The following DAB2IP variants were observed in gnomAD, a reference collection of about 807,000 sequenced individuals.
DAB2IP encodes DAB2 interacting protein.
A neutral mutation model predicts 107.2 loss-of-function variants in DAB2IP; 28 were observed. The ratio of observed to expected loss-of-function variants is 0.26; its 90% CI spans 0.19 to 0.36. The LOEUF (loss-of-function observed/expected upper bound fraction) is 0.36, where lower values mean the gene tolerates loss of function less well. DAB2IP is among the 10% of genes least tolerant of loss of function. The pLI is 1.00. For missense variants in DAB2IP, 1,400 were observed against 1,644.7 expected (o/e 0.85, Z 2.57); for synonymous variants, 755 against 706.4 (o/e 1.07, Z -1.09).
At chr9:121,671,518 T>C (rs1470282206) in intron 1 of DAB2IP, among the ~76,000 whole-genome samples, 2 of 152,246 alleles carry the variant, frequency 1.3e-5, no homozygotes, top group African/African-American at 4.8e-5. Flanking sequence ...ACCATCATTC[T>C]GCCTTACTCA....
At chr9:121,674,111 C>T (rs927113474) in intron 1 of DAB2IP, among the ~76,000 whole-genome samples, 5 of 152,172 alleles carry the variant, frequency 3.3e-5, no homozygotes. Context: ...GAGGGGAGAG[C>T]GTGGTTGCTG....
intron 1 of DAB2IP, among the ~76,000 whole-genome samples, chr9:121,587,979 G>A (rs1234063882): frequency 6.6e-6 from 1 of 152,192 alleles, no homozygotes; most frequent in Admixed American, 6.5e-5. Context: ...TCACATCAGT[G>A]CCTAGCTGGG....
At position 121,699,181 on chromosome 9, in the gene DAB2IP, G is replaced by A; in HGVS notation, c.229-144G>A. On this transcript the variant is annotated intron_variant, in intron 2 of 15. Transcript: ENST00000408936. This position sits in a 1 kb window ranked among gnomAD's most constrained non-coding sequence, Gnocchi z 6.2. ...GGTCGGCGGGCGGGCGGCGCGGGCC[G>A]CGAGCTGCTGGGGCCGAGCCCGAGC... 2 of 917,026 alleles carry A rather than the reference G, an allele frequency of 2.2e-6. No homozygotes were observed. The highest frequency in any genetic ancestry group is 2.6e-6 in the Non-Finnish European group (2 of 771,206). 56.8% of individuals were successfully genotyped at this position (917,026 alleles called of 1,614,324 possible). A position where few individuals can be genotyped will look rare whatever the true frequency, so the allele number is the denominator to read the frequency against.
chr9:121,757,567 A>G (rs1239610427), intron 4 of DAB2IP, among the ~76,000 whole-genome samples: 1 of 152,092 alleles, frequency 6.6e-6, no homozygotes, highest in Non-Finnish European at 1.5e-5. Context: ...CCCACTGTGA[A>G]CAATGAGAGC....
chr9:121,568,361 C>T (rs1232763720), intron 1 of DAB2IP, among the ~76,000 whole-genome samples: 1 of 152,074 alleles, frequency 6.6e-6, no homozygotes, highest in Non-Finnish European at 1.5e-5. Context: ...GCCCAGGGGA[C>T]GGGGGGTCAG....
intron 3 of DAB2IP, among the ~76,000 whole-genome samples, chr9:121,749,959 CTG>C (rs1440591960): frequency 1.3e-5 from 2 of 152,180 alleles, no homozygotes; most frequent in African/African-American, 4.8e-5. Context: ...TTGTTCATAG[CTG>C]TGTCTCCAGC....
intron 4 of DAB2IP, among the ~76,000 whole-genome samples, 199 bp downstream of exon 4, chr9:121,757,365 T>C (rs907757069): frequency 1.3e-5 from 2 of 152,190 alleles, no homozygotes; most frequent in Non-Finnish European, 2.9e-5. Flanking sequence ...TCCTTCCTAC[T>C]CTCTAGGTTC....
rs1222050408 is a variant in DAB2IP, at chr9:121,634,991, C to A, written c.41-43687C>A. ...CATGGGGCCCTGTGTGCCAGTGCGG[C>A]CCACCCAGCCTCAGACCTGTGTATA... On this transcript the variant is annotated intron_variant, in intron 1 of 16. Coordinates refer to the DAB2IP transcript ENST00000259371. This position sits in a 1 kb window ranked among gnomAD's most constrained non-coding sequence, Gnocchi z 4.7. 6.6e-6 allele frequency among the ~76,000 whole-genome samples: 1 copy of A among 152,160 alleles called. No homozygotes were observed.
chr9:121,717,255 C>A (rs528078013), intron 3 of DAB2IP, among the ~76,000 whole-genome samples: 9 of 152,216 alleles, frequency 5.9e-5, no homozygotes, highest in Non-Finnish European at 1.0e-4. Context: ...CTCTGAGTGG[C>A]TTCCTAAGAG....
chr9:121,595,012 G>T (rs1830498959), intron 1 of DAB2IP, among the ~76,000 whole-genome samples: 1 of 152,148 alleles, frequency 6.6e-6, no homozygotes, highest in African/African-American at 2.4e-5. Flanking sequence ...GTATGGTGGT[G>T]CTTGGGCGGG....
chr9:121,719,885 CCT>C (rs1830825233), intron 3 of DAB2IP, among the ~76,000 whole-genome samples: 1 of 152,194 alleles, frequency 6.6e-6, no homozygotes, highest in Non-Finnish European at 1.5e-5. Flanking sequence ...GGTGGCAGCT[CCT>C]CTCAGGGCAG....
At chr9:121,773,305 C>T (rs1424540101) in exon 12 of DAB2IP, 14 of 1,517,810 alleles carry the variant, frequency 9.2e-6, no homozygotes, top group Admixed American at 2.0e-5. Flanking sequence ...CCACCCCCGC[C>T]GCCACCTCCT....
chr9:121,589,205 C>T (rs973055437), intron 1 of DAB2IP, among the ~76,000 whole-genome samples: 2 of 152,132 alleles, frequency 1.3e-5, no homozygotes, highest in Admixed American at 6.5e-5. Context: ...CCAGTAAGGT[C>T]GCTCAGTAGC....
intron 2 of DAB2IP, among the ~76,000 whole-genome samples, chr9:121,688,388 G>A (rs1000082132): frequency 2.0e-5 from 3 of 152,170 alleles, no homozygotes; most frequent in African/African-American, 2.4e-5. Flanking sequence ...CGTCTAAAAC[G>A]AGCTGAGCTT....
intron 1 of DAB2IP, among the ~76,000 whole-genome samples, chr9:121,673,773 G>A (rs1833778221): frequency 6.6e-6 from 1 of 152,118 alleles, no homozygotes; most frequent in Non-Finnish European, 1.5e-5. Context: ...GTCAGGTCAG[G>A]AGAGAGCCTG....
At position 121,633,256 on chromosome 9, in the gene DAB2IP, C is replaced by G. The variant is rs1006958434; in HGVS notation, c.41-45422C>G. Among the ~76,000 whole-genome samples, 3 of 152,112 alleles carry G rather than the reference C, an allele frequency of 2.0e-5. No individual in the cohort carries two copies. The highest frequency in any genetic ancestry group is 2.4e-5 in the African/African-American group (1 of 41,408). Reference sequence around the variant, plus strand: ...CAGCTTCTAAATTGGGTCAGGGAAGCCTTCGAGGCCCAGAGAGAGGACATT... The same window carrying G: ...CAGCTTCTAAATTGGGTCAGGGAAGGCTTCGAGGCCCAGAGAGAGGACATT... On this transcript the variant is annotated intron_variant, in intron 1 of 16. Coordinates refer to the DAB2IP transcript ENST00000259371. The surrounding 1 kb of genome is among the most constrained non-coding windows in gnomAD (Gnocchi z 5.1).
At chr9:121,642,031 CTT>C (rs1491132823) in intron 1 of DAB2IP, among the ~76,000 whole-genome samples, 236 of 19,886 alleles carry the variant, frequency 0.012, no homozygotes, top group East Asian at 0.029. Flanking sequence ...CTCTCTCTCT[CTT>C]TCTTTCTTTC....
At chr9:121,747,435 C>T (rs1383316716) in intron 3 of DAB2IP, among the ~76,000 whole-genome samples, 2 of 151,872 alleles carry the variant, frequency 1.3e-5, no homozygotes, top group Admixed American at 6.5e-5. Context: ...GCAAGCTCCA[C>T]CTCTCAGGTT....
intron 14 of DAB2IP, among the ~76,000 whole-genome samples, chr9:121,780,803 G>A (rs982450298): frequency 6.6e-6 from 1 of 152,174 alleles, no homozygotes; most frequent in African/African-American, 2.4e-5. Context: ...CTGAGCTTCC[G>A]CGGGTGGTAT....
Sources: gnomAD v4.1 joint callset for allele counts (sites outside exome capture counted in the v4.1 genomes callset) on GRCh38, gnomAD v4.1.1 for gene constraint, Gnocchi (gnomAD v3.1) non-coding constraint, MANE v1.5 for transcripts, NCBI Gene and HGNC (gene_info 2026-07-23, HGNC 2026-07-21) for gene names.